Variants in KDM1A observed in about 807,000 individuals in gnomAD.
KDM1A encodes the protein lysine-specific histone demethylase 1A.
A neutral mutation model predicts 109.4 loss-of-function variants in KDM1A; 49 were observed. That is an observed-to-expected ratio of 0.45 (90% CI 0.36 to 0.57). The LOEUF (loss-of-function observed/expected upper bound fraction) is 0.57. KDM1A is among the 20% of genes least tolerant of loss of function. The probability of loss-of-function intolerance (pLI) is 0.00; values close to 1 mark genes in which losing one functional copy is unlikely to be tolerated. For synonymous variants in KDM1A, 380 were observed against 415.4 expected, an observed-to-expected ratio of 0.91 and a Z score of 1.04; for missense variants, 668 against 1,116.6, an observed-to-expected ratio of 0.60 and a Z score of 5.73.
chr1:23,051,324 A>C (rs1261850085), intron 4 of KDM1A, among the ~76,000 whole-genome samples: 1 of 152,212 alleles, frequency 6.6e-6, no homozygotes, highest in African/African-American at 2.4e-5. Flanking sequence ...AGTCTTATGC[A>C]TTCTTGACTC....
chr1:23,059,332 T>G, intron 9 of KDM1A, 165 bp downstream of exon 9: 1 of 707,072 alleles, frequency 1.4e-6, no homozygotes, highest in Non-Finnish European at 2.6e-6. Flanking sequence ...GTTTCTTAAC[T>G]CTTGAGCTAT....
At chr1:23,076,435 C>T (rs1643468011) in intron 15 of KDM1A, among the ~76,000 whole-genome samples, 3 of 151,984 alleles carry the variant, frequency 2.0e-5, no homozygotes, top group Admixed American at 6.5e-5. Context: ...GGAAATCTTC[C>T]TCAACTTCAA....
chr1:23,021,508 C>CA (rs1489727142), intron 1 of KDM1A, among the ~76,000 whole-genome samples: 2 of 152,064 alleles, frequency 1.3e-5, no homozygotes, highest in South Asian at 4.1e-4. Flanking sequence ...ACTAAAAATA[C>CA]AAAAAATTAG....
intron 2 of KDM1A, among the ~76,000 whole-genome samples, chr1:23,035,879 A>T (rs1450982498): frequency 6.6e-6 from 1 of 152,184 alleles, no homozygotes; most frequent in African/African-American, 2.4e-5. Flanking sequence ...TGATCAGAAA[A>T]GAGTTGAAGA....
At chr1:23,082,063 G>A in intron 19 of KDM1A, 157 bp from the exon 20 acceptor site, 1 of 716,520 alleles carries the variant, frequency 1.4e-6, no homozygotes, top group Admixed American at 2.9e-5. Context: ...GTCCATGTGT[G>A]TTTTAAAGCA....
chr1:23,083,464 G>A lies in KDM1A; in HGVS notation c.*100G>A. 8.3e-7 allele frequency: 1 copy of A among 1,200,628 alleles called. No homozygotes were observed. The highest frequency in any genetic ancestry group is 1.5e-5 in the African/African-American group (1 of 65,812). The allele number at this position is 1,200,628 out of a possible 1,614,324, so 74.4% of individuals were successfully genotyped here. On this transcript the variant is annotated 3_prime_UTR_variant, in exon 21 of 21. Transcript: ENST00000400181. ...GATCCCACTGAGAAAATCCACCCTG[G>A]CATCTGGGCTCCTGATCAGCTGATG...
At chr1:23,054,547 G>A (rs554791711) in intron 5 of KDM1A, among the ~76,000 whole-genome samples, 4 of 152,284 alleles carry the variant, frequency 2.6e-5, no homozygotes, top group African/African-American at 7.2e-5. Context: ...GTGCAGTGGC[G>A]CATTCACAGC....
intron 12 of KDM1A, among the ~76,000 whole-genome samples, chr1:23,069,946 G>A (rs1182638662): frequency 6.6e-6 from 1 of 152,244 alleles, no homozygotes; most frequent in Non-Finnish European, 1.5e-5. Context: ...GGGTGTGCCT[G>A]TGACTGGACT....
rs115368683 is a variant in KDM1A at position 23,045,680 on chromosome 1, T to G, written c.577+1194T>G. Among the ~76,000 whole-genome samples the G allele has an allele frequency of 9.3e-3, 1,420 of 152,216 alleles. 15 individuals carry two copies. Among genetic ancestry groups the G allele is most frequent in the Middle Eastern group, 0.027 (8 of 294 alleles). ...CTTGTTTTTTGTTTCTGTTTTTTTT[T>G]TGTGTGTGACTATTTGCTCTTTTGC... On this transcript the variant is annotated intron_variant, in intron 3 of 20. Coordinates refer to ENST00000400181, the MANE Select transcript of KDM1A (RefSeq NM_001009999.3).
chr1:23,073,740 A>G (rs552044510), intron 15 of KDM1A, among the ~76,000 whole-genome samples: 59 of 152,368 alleles, frequency 3.9e-4, no homozygotes, highest in African/African-American at 1.4e-3. Context: ...TATAAAGTGA[A>G]TCATACAGTA....
chr1:23,043,729 G>T (rs1014677335), intron 2 of KDM1A, among the ~76,000 whole-genome samples: 1 of 152,164 alleles, frequency 6.6e-6, no homozygotes, highest in East Asian at 1.9e-4. Flanking sequence ...AATCAGTGAG[G>T]AAAATTTCTT....
intron 2 of KDM1A, among the ~76,000 whole-genome samples, chr1:23,038,603 T>C (rs896998803): frequency 3.9e-5 from 6 of 152,040 alleles, no homozygotes; most frequent in Admixed American, 2.0e-4. Context: ...TGGAGGGAAA[T>C]AATATGTGAA....
intron 4 of KDM1A, among the ~76,000 whole-genome samples, chr1:23,051,723 A>G (rs1642676100): frequency 6.6e-6 from 1 of 152,232 alleles, no homozygotes; most frequent in Non-Finnish European, 1.5e-5. Context: ...CGCAGAAGAA[A>G]TTAACCTTGT....
Position 23,057,689 on chromosome 1 carries a change from T to C in KDM1A, c.1072+124T>C, listed in dbSNP as rs140283191. ...TAGTCATCTTCCGTTTAGTGAGAGG[T>C]ATAGCAGTATGTGGAAAATGTAAAT... On this transcript the variant is annotated intron_variant, in intron 8 of 20. Transcript: ENST00000400181. 33 of 621,594 alleles carry C rather than the reference T, an allele frequency of 5.3e-5. No individual in the cohort carries two copies. The African/African-American group carries it at 5.4e-4, about 10-fold the overall frequency. The allele number at this position is 621,594 out of a possible 1,614,324, so 38.5% of individuals were successfully genotyped here. A position where few individuals can be genotyped will look rare whatever the true frequency, so the allele number is the denominator to read the frequency against.
chr1:23,044,263 A>T (rs925974610), intron 2 of KDM1A, 164 bp from the exon 3 acceptor site: 4 of 608,538 alleles, frequency 6.6e-6, no homozygotes, highest in Admixed American at 2.8e-5. Flanking sequence ...TTGGAAGACT[A>T]TGATGTAATT....
chr1:23,082,630 A>C lies in KDM1A; in HGVS notation c.2445+264A>C, dbSNP rs139006672. On this transcript the variant is annotated intron_variant, in intron 20 of 20. Coordinates refer to ENST00000400181, the MANE Select transcript of KDM1A (RefSeq NM_001009999.3). ...CCTTATTCAGGTTTTCTCCCTAAAAAACAAAACCATTTTTAATTGCACTTC... is the reference window on the plus strand; with the variant it reads ...CCTTATTCAGGTTTTCTCCCTAAAACACAAAACCATTTTTAATTGCACTTC... 6.8e-4 allele frequency: 243 copies of C among 355,228 alleles called. No individual in the cohort carries two copies. The East Asian group carries it at 0.011, about 15-fold the overall frequency. The allele number at this position is 355,228 out of a possible 1,614,324, so 22.0% of individuals were successfully genotyped here.
chr1:23,044,051 C>T (rs1339702058), intron 2 of KDM1A, among the ~76,000 whole-genome samples: 1 of 152,076 alleles, frequency 6.6e-6, no homozygotes, highest in African/African-American at 2.4e-5. Context: ...ATTGCAATGC[C>T]AGATTCTAGA....
chr1:23,042,757 T>C (rs1360879274), intron 2 of KDM1A, among the ~76,000 whole-genome samples: 1 of 139,836 alleles, frequency 7.2e-6, no homozygotes, highest in African/African-American at 2.7e-5. Context: ...CGGCCTATTA[T>C]TATTATTTTG....
At chr1:23,062,233 G>A (rs1311609147) in intron 9 of KDM1A, among the ~76,000 whole-genome samples, 1 of 152,182 alleles carries the variant, frequency 6.6e-6, no homozygotes, top group Non-Finnish European at 1.5e-5. Flanking sequence ...AGGGAAGATG[G>A]GGTGAGGTTA....
Sources: allele counts gnomAD v4.1 joint callset (sites outside exome capture counted in the v4.1 genomes callset), GRCh38; gene constraint gnomAD v4.1.1; transcripts MANE v1.5; gene names NCBI Gene and HGNC (gene_info 2026-07-23, HGNC 2026-07-21).